KDM4C: variants seen among roughly 807,000 people sequenced by gnomAD.
KDM4C encodes lysine-specific demethylase 4C.
In KDM4C, 81 loss-of-function variants were observed where a neutral mutation model predicts 129.3. The observed-to-expected ratio is 0.63, with a 90% confidence interval of 0.52 to 0.75. KDM4C has a LOEUF of 0.75. Among genes scored for constraint, KDM4C ranks in the 30% least tolerant of loss-of-function variants. KDM4C has a pLI of 0.00. For missense variants in KDM4C, 1,457 were observed against 1,304.0 expected (o/e 1.12, Z -1.81); for synonymous variants, 573 against 456.1 (o/e 1.26, Z -3.26).
At chr9:6,964,424 C>T (rs1011777247) in intron 8 of KDM4C, among the ~76,000 whole-genome samples, 2 of 152,028 alleles carry the variant, frequency 1.3e-5, no homozygotes, top group African/African-American at 4.8e-5. Context: ...TGAACTCATC[C>T]TTTTTTTATG....
chr9:6,800,334 T>C (rs1180349035), intron 2 of KDM4C, among the ~76,000 whole-genome samples: 1 of 152,066 alleles, frequency 6.6e-6, no homozygotes, highest in Admixed American at 6.6e-5. Flanking sequence ...TCCACTGCAC[T>C]CTAGCCTGGG....
At chr9:6,723,879 A>C (rs78091175) in intron 1 of KDM4C, 4 of 152,284 alleles carry the variant, frequency 2.6e-5, no homozygotes, top group Non-Finnish European at 5.9e-5. Flanking sequence ...TCACATACCC[A>C]AATGGTTGTA....
At chr9:7,087,102 T>TC (rs1835213239) in intron 17 of KDM4C, among the ~76,000 whole-genome samples, 1 of 151,402 alleles carries the variant, frequency 6.6e-6, no homozygotes, top group Admixed American at 6.6e-5. Context: ...TTTTTTTTTT[T>TC]CACTTTTGAC....
chr9:7,051,422 A>C (rs150395267), intron 17 of KDM4C, among the ~76,000 whole-genome samples: 2 of 152,282 alleles, frequency 1.3e-5, no homozygotes, highest in African/African-American at 4.8e-5. Context: ...GGCTTTGAAT[A>C]ATACAATTTA....
chr9:7,153,935 C>T (rs1465226897), intron 19 of KDM4C, among the ~76,000 whole-genome samples: 1 of 152,178 alleles, frequency 6.6e-6, no homozygotes, highest in Non-Finnish European at 1.5e-5. Context: ...CTGCTGTAGG[C>T]CTGTGGGTGC....
intron 19 of KDM4C, among the ~76,000 whole-genome samples, chr9:7,164,855 T>C (rs948465498): frequency 3.3e-5 from 5 of 152,208 alleles, no homozygotes; most frequent in African/African-American, 1.2e-4. Flanking sequence ...ATGAGATGTA[T>C]GCTGAAGCAT....
chr9:6,763,945 C>T (rs573135180), intron 1 of KDM4C, among the ~76,000 whole-genome samples: 8 of 152,184 alleles, frequency 5.3e-5, no homozygotes, highest in South Asian at 2.1e-4. Flanking sequence ...TTAGTAGAGA[C>T]GGAGGGTTTC....
chr9:7,134,465 A>C (rs1007573830), intron 19 of KDM4C, among the ~76,000 whole-genome samples: 10 of 152,212 alleles, frequency 6.6e-5, no homozygotes, highest in African/African-American at 2.2e-4. Flanking sequence ...TATGTAGCCA[A>C]ATTTCCTTGG....
At chr9:6,848,086 G>T (rs1053829841) in intron 4 of KDM4C, among the ~76,000 whole-genome samples, 3 of 151,930 alleles carry the variant, frequency 2.0e-5, no homozygotes, top group African/African-American at 7.3e-5. Flanking sequence ...TAGACATGGG[G>T]TCTTGCCATG....
chr9:7,107,303 G>C (rs909157368), intron 18 of KDM4C, among the ~76,000 whole-genome samples: 3 of 152,202 alleles, frequency 2.0e-5, no homozygotes, highest in African/African-American at 7.2e-5. Flanking sequence ...ATAAATAGTA[G>C]TTATGAAACT....
chr9:7,169,970 A>C, intron 21 of KDM4C, 80 bp downstream of exon 21: 1 of 1,601,730 alleles, frequency 6.2e-7, no homozygotes, highest in South Asian at 1.1e-5. Context: ...GCCCAGCAGG[A>C]AACATACTTG....
chr9:6,838,356 T>C (rs866605184), intron 4 of KDM4C, among the ~76,000 whole-genome samples: 1 of 152,192 alleles, frequency 6.6e-6, no homozygotes, highest in African/African-American at 2.4e-5. Flanking sequence ...TTTGCTTGTA[T>C]GCGTAGACTT....
At chr9:7,133,849 C>T (rs1840903930) in intron 19 of KDM4C, among the ~76,000 whole-genome samples, 1 of 152,146 alleles carries the variant, frequency 6.6e-6, no homozygotes, top group Non-Finnish European at 1.5e-5. Context: ...CAGAGTTGTT[C>T]CCAGAAACGT....
chr9:6,793,212 A>G, intron 2 of KDM4C, 80 bp downstream of exon 2: 6 of 1,487,448 alleles, frequency 4.0e-6, no homozygotes, highest in Non-Finnish European at 5.5e-6. Flanking sequence ...GATTTGGGAC[A>G]TTGTTTCTGA....
At chr9:6,760,445 G>GTGTATATATATATATATATATATA (rs139577101) in intron 1 of KDM4C, among the ~76,000 whole-genome samples, 2 of 142,524 alleles carry the variant, frequency 1.4e-5, no homozygotes, top group African/African-American at 5.2e-5. Context: ...CTACTCTTGG[G>GTGTATATATATATATATATATATA]TATATATATA....
chr9:6,813,701 A>T (rs1287381409), intron 3 of KDM4C, among the ~76,000 whole-genome samples: 1 of 152,208 alleles, frequency 6.6e-6, no homozygotes, highest in Non-Finnish European at 1.5e-5. Flanking sequence ...TCCTAATAAT[A>T]CAGAGAAGTA....
At chr9:6,841,914 T>G (rs1214879129) in intron 4 of KDM4C, among the ~76,000 whole-genome samples, 1 of 152,232 alleles carries the variant, frequency 6.6e-6, no homozygotes, top group Non-Finnish European at 1.5e-5. Flanking sequence ...TAGATCCTAC[T>G]TATCCTGGAG....
At chr9:6,826,152 A>G (rs1442873559) in intron 4 of KDM4C, among the ~76,000 whole-genome samples, 2 of 151,612 alleles carry the variant, frequency 1.3e-5, no homozygotes, top group African/African-American at 2.4e-5. Context: ...AATGTTTTAT[A>G]TATTTCTTCT....
chr9:7,020,629 A>G (rs1462432981), intron 15 of KDM4C, among the ~76,000 whole-genome samples: 1 of 152,078 alleles, frequency 6.6e-6, no homozygotes, highest in African/African-American at 2.4e-5. Context: ...CATTATGTTG[A>G]CTCTTCATGT....
Sources: allele counts gnomAD v4.1 joint callset (sites outside exome capture counted in the v4.1 genomes callset), GRCh38; gene constraint gnomAD v4.1.1; transcripts MANE v1.5; gene names NCBI Gene and HGNC (gene_info 2026-07-23, HGNC 2026-07-21).